The following TNRC6A variants were observed in gnomAD, a reference collection of about 807,000 sequenced individuals.
The protein encoded by TNRC6A is trinucleotide repeat containing adaptor 6A.
A neutral mutation model predicts 221.2 loss-of-function variants in TNRC6A; 44 were observed. That is an observed-to-expected ratio of 0.20 (90% CI 0.16 to 0.26). TNRC6A has a LOEUF of 0.26. Among genes scored for constraint, TNRC6A ranks in the 10% least tolerant of loss-of-function variants. The pLI, the probability that TNRC6A is intolerant of heterozygous loss-of-function variation, is 1.00. For missense variants in TNRC6A, 2,199 were observed against 2,404.4 expected, an observed-to-expected ratio of 0.91 and a Z score of 1.79; for synonymous variants, 847 against 838.5, an observed-to-expected ratio of 1.01 and a Z score of -0.18.
intron 2 of TNRC6A, among the ~76,000 whole-genome samples, chr16:24,674,580 G>A (rs890004012): frequency 4.6e-5 from 7 of 151,964 alleles, no homozygotes; most frequent in African/African-American, 1.5e-4. Flanking sequence ...TTTCCTCTCC[G>A]TTGCAACGGA....
intron 2 of TNRC6A, among the ~76,000 whole-genome samples, chr16:24,689,717 T>A (rs1054809749): frequency 6.6e-6 from 1 of 152,088 alleles, no homozygotes; most frequent in Non-Finnish European, 1.5e-5. Context: ...AATGAATAAG[T>A]ACACATATAA....
chr16:24,801,118 G>A (rs1203684011), intron 11 of TNRC6A, among the ~76,000 whole-genome samples: 2 of 152,166 alleles, frequency 1.3e-5, no homozygotes, highest in Non-Finnish European at 2.9e-5. Context: ...GTAAACAGTC[G>A]AAAATCTGGA....
At chr16:24,732,133 A>T (rs1044121770) in intron 2 of TNRC6A, among the ~76,000 whole-genome samples, 14 of 152,332 alleles carry the variant, frequency 9.2e-5, no homozygotes, top group African/African-American at 3.1e-4. Context: ...ATTGTAAGGC[A>T]GTGTGTACTA....
upstream of TNRC6A, among the ~76,000 whole-genome samples, chr16:24,729,016 A>G (rs2056542946): frequency 6.6e-6 from 1 of 151,922 alleles, no homozygotes. Context: ...ACCATCATCA[A>G]TACCACAGCT....
intron 2 of TNRC6A, among the ~76,000 whole-genome samples, chr16:24,643,047 A>AAT (rs1189670551): frequency 2.1e-5 from 3 of 143,944 alleles, no homozygotes; most frequent in South Asian, 2.2e-4. Context: ...CTGTATCTTT[A>AAT]ATATATATAT....
upstream of TNRC6A, among the ~76,000 whole-genome samples, chr16:24,727,860 A>G (rs80350645): frequency 3.8e-3 from 576 of 151,782 alleles, 2 homozygotes; most frequent in Non-Finnish European, 6.6e-3. Flanking sequence ...CAGGGATGAT[A>G]GCAGGAAAAG....
intron 17 of TNRC6A, among the ~76,000 whole-genome samples, chr16:24,808,581 AGCAAATTTAATTGCTCTCT>A (rs1432574446): frequency 6.6e-6 from 1 of 152,258 alleles, no homozygotes; most frequent in African/African-American, 2.4e-5. Context: ...GTCCAAGAGT[AGCAAATTTAATTGCTCTCT>A]GCAAAAATAC....
At position 24,826,044 on chromosome 16, in the gene TNRC6A, A is replaced by G. The variant is rs2058853193; in HGVS notation, c.*2237A>G. 1 of 152,694 alleles carries G rather than the reference A, an allele frequency of 6.5e-6. No homozygotes were observed. Among genetic ancestry groups the G allele is most frequent in the Non-Finnish European group, 1.5e-5 (1 of 68,042 alleles). 9.5% of individuals were successfully genotyped at this position (152,694 alleles called of 1,614,324 possible). Reference sequence around the variant, plus strand: ...TGACTTCCATACTGGTTTTTCCAAAAACCAAAGGTAGCTTTGAAAAACCAT... The same window carrying G: ...TGACTTCCATACTGGTTTTTCCAAAGACCAAAGGTAGCTTTGAAAAACCAT... On this transcript the variant is annotated 3_prime_UTR_variant, in exon 25 of 25. Coordinates refer to ENST00000395799, the MANE Select transcript of TNRC6A (RefSeq NM_014494.4).
chr16:24,706,438 G>T (rs927045397), intron 2 of TNRC6A, among the ~76,000 whole-genome samples: 2 of 152,132 alleles, frequency 1.3e-5, no homozygotes, highest in Non-Finnish European at 2.9e-5. Context: ...TTGGCCGGGC[G>T]CAGTGGCTCA....
chr16:24,807,091 T>C (rs990859325), intron 17 of TNRC6A, among the ~76,000 whole-genome samples: 2 of 151,878 alleles, frequency 1.3e-5, no homozygotes, highest in Non-Finnish European at 2.9e-5. Context: ...CTGCAACCTC[T>C]GCCTCCCGGG....
At chr16:24,805,823 A>G in intron 15 of TNRC6A, 90 bp downstream of exon 15, 2 of 1,527,864 alleles carry the variant, frequency 1.3e-6, no homozygotes, top group Non-Finnish European at 9.0e-7. Flanking sequence ...ATAGTGCACT[A>G]AACAAAACAG....
At chr16:24,715,983 G>A (rs897108024) in intron 2 of TNRC6A, among the ~76,000 whole-genome samples, 12 of 151,980 alleles carry the variant, frequency 7.9e-5, no homozygotes, top group African/African-American at 2.9e-4. Flanking sequence ...ACCCAAGCAT[G>A]ACCATCCATA....
At chr16:24,666,122 T>C (rs1457182277) in intron 2 of TNRC6A, among the ~76,000 whole-genome samples, 7 of 151,842 alleles carry the variant, frequency 4.6e-5, no homozygotes, top group Non-Finnish European at 4.4e-5. Context: ...AAGTCAGAAG[T>C]TTGAGACCAG....
chr16:24,773,316 C>T (rs2057652190), intron 4 of TNRC6A, among the ~76,000 whole-genome samples: 1 of 152,098 alleles, frequency 6.6e-6, no homozygotes, highest in African/African-American at 2.4e-5. Context: ...TTTATTTCTT[C>T]TTCATCTTGA....
intron 2 of TNRC6A, among the ~76,000 whole-genome samples, chr16:24,696,721 C>G: frequency 8.3e-5 from 1 of 12,070 alleles, no homozygotes; most frequent in Admixed American, 1.0e-3. Flanking sequence ...AGAGCGAGAC[C>G]CTGTCTCAAA....
chr16:24,754,872 T>C (rs1248319250), intron 3 of TNRC6A, among the ~76,000 whole-genome samples: 1 of 152,202 alleles, frequency 6.6e-6, no homozygotes, highest in African/African-American at 2.4e-5. Flanking sequence ...TGTTAAGAGC[T>C]GAAGGGATTT....
In TNRC6A at chr16:24,809,371, T is replaced by G; in HGVS notation, c.4562T>G (p.Val1521Gly). 6.5e-7 allele frequency: 1 copy of G among 1,540,582 alleles called. No homozygotes were observed. The highest frequency in any genetic ancestry group is 8.8e-7 in the Non-Finnish European group (1 of 1,136,674). The change falls in exon 18 of 25, where the codon GTA becomes GGA. Residue 1521 changes from valine (V) to glycine (G), a missense_variant. This residue lies in a region of TNRC6A where 449 missense variants were observed against 579.7 expected (regional missense o/e 0.77). Coordinates refer to ENST00000395799, the MANE Select transcript of TNRC6A (RefSeq NM_014494.4). ...TCAGGCTTGAACTCAAACTTGAATG[T>G]AAATATGGATATGAACAGTATTAAA... ...FPIGLNSNLN[V>G]NMDMNSIKEP...
intron 2 of TNRC6A, among the ~76,000 whole-genome samples, chr16:24,675,692 CTCTCTCTCTCTATATATATATATATATA>C (rs754890219): frequency 0.021 from 1,769 of 85,676 alleles, 19 homozygotes; most frequent in Middle Eastern, 0.03. Context: ...CTCTCTCTCT[CTCTCTCTCTCTATATATATATATATATA>C]TATATATATA....
At chr16:24,640,644 G>T (rs867232445) in intron 1 of TNRC6A, among the ~76,000 whole-genome samples, 1 of 150,734 alleles carries the variant, frequency 6.6e-6, no homozygotes, top group South Asian at 2.1e-4. Flanking sequence ...CAGGAGGATC[G>T]CCTGAGCCCG....
Sources: allele counts gnomAD v4.1 joint callset (sites outside exome capture counted in the v4.1 genomes callset), GRCh38; gene constraint gnomAD v4.1.1; regional missense constraint gnomAD v4.1.1; transcripts MANE v1.5; gene names NCBI Gene and HGNC (gene_info 2026-07-23, HGNC 2026-07-21).